Variants in KCNIP1 observed in about 807,000 individuals in gnomAD.
The protein encoded by KCNIP1 is potassium voltage-gated channel interacting protein 1.
Under a neutral mutation model 33.0 loss-of-function variants are expected in KCNIP1, and 18 were observed. The observed-to-expected ratio is 0.55, with a 90% CI of 0.38 to 0.81. The LOEUF is 0.81. Among genes scored for constraint, KCNIP1 ranks in the 30% least tolerant of loss-of-function variants. KCNIP1 has a pLI of 0.00. For missense variants in KCNIP1, 238 were observed against 271.6 expected (o/e 0.88, Z 0.87); for synonymous variants, 93 against 98.3 (o/e 0.95, Z 0.32).
chr5:170,468,833 C>T (rs138418668), intron 1 of KCNIP1, among the ~76,000 whole-genome samples: 1,863 of 152,002 alleles, frequency 0.012, 14 homozygotes, highest in Middle Eastern at 0.02. Context: ...GCCGAGATCG[C>T]GCCCCTACCC....
chr5:170,376,933 C>T (rs981850280), intron 1 of KCNIP1: 2 of 152,162 alleles, frequency 1.3e-5, no homozygotes, highest in African/African-American at 4.8e-5. Context: ...CCATTTTAAA[C>T]ACCTATGATG....
intron 1 of KCNIP1, among the ~76,000 whole-genome samples, chr5:170,590,246 C>T (rs559433517): frequency 2.0e-5 from 3 of 152,238 alleles, no homozygotes; most frequent in Admixed American, 6.5e-5. Context: ...TCCAGAGTAT[C>T]TGGATACCCA....
chr5:170,529,765 G>A (rs1323804943), intron 1 of KCNIP1, among the ~76,000 whole-genome samples: 1 of 152,140 alleles, frequency 6.6e-6, no homozygotes, highest in Non-Finnish European at 1.5e-5. Flanking sequence ...GAGTAACAGT[G>A]TTGCCCAGAG....
At chr5:170,561,869 T>C (rs1757045143) in intron 1 of KCNIP1, among the ~76,000 whole-genome samples, 1 of 152,190 alleles carries the variant, frequency 6.6e-6, no homozygotes, top group African/African-American at 2.4e-5. Context: ...TGGGGCTACC[T>C]CCTGAGAAAC....
intron 1 of KCNIP1, among the ~76,000 whole-genome samples, chr5:170,510,334 C>G (rs1754884715): frequency 6.6e-6 from 1 of 152,226 alleles, no homozygotes. Context: ...AGGCCTGACA[C>G]TGCATCCAGG....
intron 1 of KCNIP1, among the ~76,000 whole-genome samples, chr5:170,584,506 G>A (rs1184891130): frequency 3.3e-5 from 5 of 152,294 alleles, no homozygotes; most frequent in Admixed American, 2.0e-4. Flanking sequence ...TTTGGGCTCA[G>A]AGGAATAAGT....
At chr5:170,383,482 C>T (rs1169126597) in intron 1 of KCNIP1, 1 of 648,836 alleles carries the variant, frequency 1.5e-6, no homozygotes, top group African/African-American at 1.8e-5. Flanking sequence ...GTTTACACAG[C>T]CAGTTAGCGG....
At position 170,522,081 on chromosome 5, in the gene KCNIP1, G is replaced by A. The variant is rs1018059084; in HGVS notation, c.61+17448G>A. Among the ~76,000 whole-genome samples, 6 of 152,174 alleles carry A rather than the reference G, an allele frequency of 3.9e-5. No individual in the cohort carries two copies. The East Asian group carries it at 9.7e-4, about 25-fold the overall frequency. ...TGCCACCGGCAGCAATTCAGGGCTG[G>A]GCACCAGATCAGCTGGGTGGAGTCC... is the stretch of plus-strand genomic sequence containing the variant. On this transcript the variant is annotated intron_variant, in intron 1 of 7. Coordinates refer to ENST00000328939, the MANE Select transcript of KCNIP1 (RefSeq NM_014592.4).
chr5:170,474,750 G>A (rs1452386176), intron 1 of KCNIP1, among the ~76,000 whole-genome samples: 4 of 152,212 alleles, frequency 2.6e-5, no homozygotes, highest in South Asian at 2.1e-4. Flanking sequence ...TGTTGTGTCC[G>A]TGGGTCTGTG....
At chr5:170,560,808 C>G (rs977775889) in intron 1 of KCNIP1, among the ~76,000 whole-genome samples, 2 of 152,068 alleles carry the variant, frequency 1.3e-5, no homozygotes, top group Non-Finnish European at 2.9e-5. Flanking sequence ...TGTCTCTCAC[C>G]TCCACCCTGG....
chr5:170,415,798 G>C (rs190064753), intron 1 of KCNIP1, among the ~76,000 whole-genome samples: 1 of 152,276 alleles, frequency 6.6e-6, no homozygotes, highest in Admixed American at 6.5e-5. Flanking sequence ...CACTCAATAG[G>C]TTCTCCAGTG....
At chr5:170,573,041 C>T (rs191177040) in intron 1 of KCNIP1, among the ~76,000 whole-genome samples, 1 of 152,226 alleles carries the variant, frequency 6.6e-6, no homozygotes, top group Non-Finnish European at 1.5e-5. Context: ...TGCTAAGCAG[C>T]AGAGCAGAGG....
At chr5:170,503,984 G>C, upstream of KCNIP1, 473 of 540,116 alleles carry the variant, frequency 8.8e-4, no homozygotes, top group Non-Finnish European at 1.0e-3. Context: ...GTAGTTGCCC[G>C]CCCGCCGCCC....
chr5:170,494,413 C>A (rs144928026), intron 1 of KCNIP1, among the ~76,000 whole-genome samples: 4 of 152,262 alleles, frequency 2.6e-5, no homozygotes, highest in African/African-American at 7.2e-5. Context: ...TGTGTTGTGG[C>A]AGCCTGGAAA....
intron 1 of KCNIP1, among the ~76,000 whole-genome samples, chr5:170,609,662 G>A (rs1553537): frequency 0.16 from 24,292 of 151,910 alleles, 2,151 homozygotes; most frequent in Non-Finnish European, 0.2. Context: ...GCAACATAGC[G>A]AGACCTCACT....
chr5:170,558,631 T>G (rs1581323749), intron 1 of KCNIP1, among the ~76,000 whole-genome samples: 1 of 152,234 alleles, frequency 6.6e-6, no homozygotes, highest in South Asian at 2.1e-4. Flanking sequence ...CAGCCAGGAG[T>G]GACCTGGGTG....
chr5:170,635,282 G>A (rs1039085665), intron 1 of KCNIP1, among the ~76,000 whole-genome samples: 3 of 152,132 alleles, frequency 2.0e-5, no homozygotes, highest in South Asian at 2.1e-4. Context: ...TGCCTGCCTC[G>A]GCCTCCCAAA....
chr5:170,482,917 C>T (rs1757006246), intron 1 of KCNIP1: 1 of 342,968 alleles, frequency 2.9e-6, no homozygotes, highest in Admixed American at 3.9e-5. Context: ...CCCCTTCTGT[C>T]CTGAGAGGTT....
intron 1 of KCNIP1, among the ~76,000 whole-genome samples, chr5:170,679,716 TTAGGGTG>T (rs1298685711): frequency 1.3e-5 from 2 of 150,656 alleles, no homozygotes; most frequent in African/African-American, 4.9e-5. Context: ...ACTAAACAAC[TTAGGGTG>T]TTTTTTTTTT....
Sources: allele counts gnomAD v4.1 joint callset (sites outside exome capture counted in the v4.1 genomes callset), GRCh38; gene constraint gnomAD v4.1.1; transcripts MANE v1.5; gene names NCBI Gene and HGNC (gene_info 2026-07-23, HGNC 2026-07-21).